The following PARD3B variants were observed in gnomAD, a reference collection of about 807,000 sequenced individuals.
PARD3B encodes the protein partitioning defective 3 homolog B.
PARD3B carries 103 observed loss-of-function variants against 130.2 expected under a neutral mutation model. The observed-to-expected ratio is 0.79, with a 90% CI of 0.67 to 0.93. PARD3B has a LOEUF of 0.93. PARD3B is among the 40% of genes least tolerant of loss of function. The pLI is 0.00. For missense variants in PARD3B, 1,609 were observed against 1,499.2 expected (o/e 1.07, Z -1.21); for synonymous variants, 583 against 553.2 (o/e 1.05, Z -0.76).
intron 15 of PARD3B, among the ~76,000 whole-genome samples, chr2:205,222,238 T>C (rs1437421838): frequency 6.6e-6 from 1 of 151,976 alleles, no homozygotes; most frequent in Non-Finnish European, 1.5e-5. Flanking sequence ...AATTCTACTT[T>C]AGTAGATAGT....
At chr2:204,550,387 G>A (rs926890238) in intron 1 of PARD3B, among the ~76,000 whole-genome samples, 5 of 150,208 alleles carry the variant, frequency 3.3e-5, no homozygotes, top group Middle Eastern at 3.4e-3. Flanking sequence ...CCGCAGATGC[G>A]GAATGCATGG....
rs914067542 is a variant in PARD3B, at chr2:205,229,580, G to A, written c.2141-16198G>A. ...GACACAAGCACCCTGTGGCCACTAC[G>A]ACTACCACTGGTACTGTTTGGGGTC... On this transcript the variant is annotated intron_variant, in intron 15 of 22. Coordinates refer to ENST00000406610, the MANE Select transcript of PARD3B (RefSeq NM_001302769.2). The surrounding 1 kb of genome is among the most constrained non-coding windows in gnomAD (Gnocchi z 5.2). 3.2e-4 allele frequency among the ~76,000 whole-genome samples: 48 copies of A among 152,022 alleles called. No homozygotes were observed. The highest frequency in any genetic ancestry group is 9.9e-4 in the African/African-American group (41 of 41,412).
At chr2:204,566,082 A>G (rs1279794913) in intron 1 of PARD3B, among the ~76,000 whole-genome samples, 2 of 152,242 alleles carry the variant, frequency 1.3e-5, no homozygotes, top group Admixed American at 1.3e-4. Context: ...CATTCAAGCT[A>G]AGGCATCAGT....
intron 13 of PARD3B, among the ~76,000 whole-genome samples, chr2:205,180,976 C>T (rs556242650): frequency 2.0e-5 from 3 of 152,216 alleles, no homozygotes; most frequent in Non-Finnish European, 2.9e-5. Flanking sequence ...TACCCTGGGC[C>T]GAGGAATAGC....
At chr2:204,600,205 T>G (rs910405724) in intron 1 of PARD3B, among the ~76,000 whole-genome samples, 1 of 152,092 alleles carries the variant, frequency 6.6e-6, no homozygotes, top group East Asian at 1.9e-4. Context: ...ATGCTTTTGT[T>G]GCTTGTGCTT....
chr2:205,012,942 T>TA (rs1173930306), intron 3 of PARD3B, among the ~76,000 whole-genome samples: 2 of 152,258 alleles, frequency 1.3e-5, no homozygotes, highest in African/African-American at 4.8e-5. Context: ...ACAGCATTTC[T>TA]AAAACGAGTA....
rs1181712394 is a variant in PARD3B, at chr2:205,269,350, C to T, written c.2185+23528C>T. On this transcript the variant is annotated intron_variant, in intron 16 of 22. Coordinates refer to ENST00000406610, the MANE Select transcript of PARD3B (RefSeq NM_001302769.2). The surrounding 1 kb of genome is among the most constrained non-coding windows in gnomAD (Gnocchi z 4.7). ...TAAATAGACTTATTTCAAACTGTTT[C>T]CCAATTTCAATTTATTCATCCTTTT... 6.6e-6 allele frequency among the ~76,000 whole-genome samples: 1 copy of T among 152,066 alleles called. No homozygotes were observed. The highest frequency in any genetic ancestry group is 1.5e-5 in the Non-Finnish European group (1 of 68,016).
chr2:205,302,826 C>T (rs568239332), intron 18 of PARD3B, among the ~76,000 whole-genome samples: 1 of 152,290 alleles, frequency 6.6e-6, no homozygotes, highest in African/African-American at 2.4e-5. Context: ...GGGCTTCACA[C>T]ACATTGCTTA....
chr2:204,565,069 C>A (rs2031588861), intron 1 of PARD3B, among the ~76,000 whole-genome samples: 2 of 152,180 alleles, frequency 1.3e-5, no homozygotes, highest in African/African-American at 4.8e-5. Flanking sequence ...ACTCAGGTTG[C>A]TAGCAGAACG....
Position 204,586,558 on chromosome 2 carries a change from G to A in PARD3B, c.120+40439G>A, listed in dbSNP as rs111763644. On this transcript the variant is annotated intron_variant, in intron 1 of 22. Transcript: ENST00000406610. ...CCTTTTGCTTAAATTGCCAACCATG[G>A]GTCCCGGTAATGTGTTCTGACTTTA... is the stretch of plus-strand genomic sequence containing the variant. Among the ~76,000 whole-genome samples the A allele has an allele frequency of 8.6e-3, 1,312 of 152,230 alleles. 13 individuals carry two copies. The highest frequency in any genetic ancestry group is 0.031 in the African/African-American group (1,275 of 41,526).
intron 1 of PARD3B, among the ~76,000 whole-genome samples, chr2:204,621,861 A>G (rs531868525): frequency 6.6e-5 from 10 of 152,350 alleles, no homozygotes; most frequent in African/African-American, 2.4e-4. Flanking sequence ...GGTGTGTCTC[A>G]TATTCACCTG....
At chr2:205,020,365 T>C (rs1696502892) in intron 3 of PARD3B, among the ~76,000 whole-genome samples, 1 of 152,090 alleles carries the variant, frequency 6.6e-6, no homozygotes, top group Admixed American at 6.6e-5. Flanking sequence ...TCCCAGTGGG[T>C]TCATTGAGGG....
intron 19 of PARD3B, among the ~76,000 whole-genome samples, chr2:205,433,748 A>G (rs1021680319): frequency 2.0e-5 from 3 of 152,138 alleles, no homozygotes; most frequent in South Asian, 2.1e-4. Context: ...ATTATATAGT[A>G]TATAGTAAAT....
chr2:205,026,022 A>G (rs1193021079), intron 3 of PARD3B, among the ~76,000 whole-genome samples: 9 of 152,196 alleles, frequency 5.9e-5, no homozygotes, highest in African/African-American at 2.2e-4. Flanking sequence ...TGAGCATACA[A>G]CTGGGAAAAG....
intron 19 of PARD3B, among the ~76,000 whole-genome samples, chr2:205,425,818 A>G (rs2106110128): frequency 6.6e-6 from 1 of 152,274 alleles, no homozygotes; most frequent in East Asian, 1.9e-4. Context: ...TCTTTGGCAA[A>G]CCATGGACTG....
At chr2:205,140,129 G>A (rs1434689389) in intron 10 of PARD3B, among the ~76,000 whole-genome samples, 1 of 152,216 alleles carries the variant, frequency 6.6e-6, no homozygotes, top group African/African-American at 2.4e-5. Flanking sequence ...GAGAGGCCAG[G>A]GCGGAGTAAT....
chr2:204,693,467 C>A (rs1348861060), intron 2 of PARD3B, among the ~76,000 whole-genome samples: 1 of 152,000 alleles, frequency 6.6e-6, no homozygotes. Flanking sequence ...GCCTTAGTTT[C>A]ATCATGGATA....
chr2:205,600,022 CATGCACTG>C (rs1250266966), intron 22 of PARD3B, among the ~76,000 whole-genome samples: 1 of 152,190 alleles, frequency 6.6e-6, no homozygotes, highest in Non-Finnish European at 1.5e-5. Flanking sequence ...TTCAGAGTCA[CATGCACTG>C]ATGCTACAGT....
At chr2:204,622,552 T>TA (rs2034341751) in intron 1 of PARD3B, among the ~76,000 whole-genome samples, 1 of 152,064 alleles carries the variant, frequency 6.6e-6, no homozygotes, top group Admixed American at 6.6e-5. Context: ...ATTGGAGTAT[T>TA]AGACTATAAT....
Sources: allele counts gnomAD v4.1 joint callset (sites outside exome capture counted in the v4.1 genomes callset), GRCh38; gene constraint gnomAD v4.1.1; non-coding constraint Gnocchi (gnomAD v3.1); transcripts MANE v1.5; gene names NCBI Gene and HGNC (gene_info 2026-07-23, HGNC 2026-07-21).